SWT1: variants seen among roughly 807,000 people sequenced by gnomAD.
SWT1 encodes the protein SWT1 RNA endoribonuclease homolog, also known as transcriptional protein SWT1.
In SWT1, 33 loss-of-function variants were observed where a neutral mutation model predicts 107.3. That is an observed-to-expected ratio of 0.31 (90% CI 0.23 to 0.41). The LOEUF (loss-of-function observed/expected upper bound fraction) is 0.41, where lower values mean the gene tolerates loss of function less well. Among genes scored for constraint, SWT1 ranks in the 10% least tolerant of loss-of-function variants. The pLI, the probability that SWT1 is intolerant of heterozygous loss-of-function variation, is 1.00. For missense variants in SWT1, 898 were observed against 1,028.9 expected (o/e 0.87, Z 1.74); for synonymous variants, 345 against 348.3 (o/e 0.99, Z 0.11).
At chr1:185,250,755 C>T (rs925479468) in intron 16 of SWT1, among the ~76,000 whole-genome samples, 5 of 152,222 alleles carry the variant, frequency 3.3e-5, no homozygotes, top group East Asian at 1.9e-4. Flanking sequence ...CTCCACCTCC[C>T]GGGTTCAAGT....
chr1:185,187,610 A>G (rs1269637494), intron 9 of SWT1, among the ~76,000 whole-genome samples: 3 of 152,190 alleles, frequency 2.0e-5, no homozygotes, highest in Admixed American at 6.5e-5. Flanking sequence ...ACTATGATTT[A>G]TATAGAATTT....
In SWT1 at chr1:185,177,149, T is replaced by G. The variant is rs372831244; in HGVS notation, c.966+2036T>G. On this transcript the variant is annotated intron_variant, in intron 5 of 18. Transcript: ENST00000367500. ...GCAAGAATTGAGTTTGAATTGAGTT[T>G]GTTTTCACTGCTTTCTTAAAGGAAA... 26 of 536,242 alleles carry G rather than the reference T, an allele frequency of 4.8e-5. No homozygotes were observed. In the East Asian group the frequency reaches 3.7e-3, roughly 76 times the overall value. The allele number at this position is 536,242 out of a possible 1,614,324, so 33.2% of individuals were successfully genotyped here.
intron 2 of SWT1, among the ~76,000 whole-genome samples, chr1:185,162,730 C>T (rs76515115): frequency 1.2e-3 from 175 of 152,122 alleles, no homozygotes; most frequent in African/African-American, 4.0e-3. Flanking sequence ...TAAAGTGAGT[C>T]ACATGAATTT....
chr1:185,286,460 G>C (rs1308263954), intron 18 of SWT1, among the ~76,000 whole-genome samples: 2 of 152,096 alleles, frequency 1.3e-5, no homozygotes, highest in African/African-American at 4.8e-5. Context: ...TCCTGACCTT[G>C]TGATCTGCCC....
chr1:185,251,206 C>A (rs529220113), intron 16 of SWT1: 3 of 152,258 alleles, frequency 2.0e-5, no homozygotes, highest in East Asian at 1.9e-4. Flanking sequence ...AATTAATAAA[C>A]CCACAACATC....
chr1:185,212,391 T>G (rs1658889689), intron 13 of SWT1, among the ~76,000 whole-genome samples: 1 of 152,100 alleles, frequency 6.6e-6, no homozygotes, highest in Admixed American at 6.6e-5. Context: ...GGTCTGCTCT[T>G]AGACGCAGCT....
chr1:185,290,821 T>C lies in SWT1; in HGVS notation c.*18T>C, dbSNP rs746172655. The C allele has an allele frequency of 2.4e-5, 39 of 1,592,286 alleles. 1 individual carries two copies. ...GGATATAAGTACTGATTTGTAACTT[T>C]AAAGGAATTGCATTTGTCCTTAAGA... On this transcript the variant is annotated 3_prime_UTR_variant, in exon 19 of 19. Transcript: ENST00000367500.
At chr1:185,221,229 T>G (rs1408534326) in intron 14 of SWT1, among the ~76,000 whole-genome samples, 1 of 152,214 alleles carries the variant, frequency 6.6e-6, no homozygotes, top group Non-Finnish European at 1.5e-5. Flanking sequence ...TGCATTTTAT[T>G]TTTCTTTTCA....
chr1:185,202,793 A>G lies in SWT1; in HGVS notation c.1663A>G (p.Lys555Glu). ...GCCTTGTATTCCTAAGCAACAGTTG[A>G]AAGCAGGTAGTATTTTTACTATAAA... ...HQPCIPKQQLKAETTPLKESY... is the reference protein window; with the variant it reads ...HQPCIPKQQLEAETTPLKESY... Residue 555 changes from lysine (K) to glutamate (E), a missense_variant, in exon 11 of 19, where the codon AAA becomes GAA. This residue lies in a region of SWT1 where 382 missense variants were observed against 460.0 expected (regional missense o/e 0.83). Coordinates refer to ENST00000367500, the MANE Select transcript of SWT1 (RefSeq NM_017673.7). 1 of 1,515,298 alleles carries G rather than the reference A, an allele frequency of 6.6e-7. No individual in the cohort carries two copies. Among genetic ancestry groups the G allele is most frequent in the Non-Finnish European group, 8.9e-7 (1 of 1,125,310 alleles). The allele number at this position is 1,515,298 out of a possible 1,614,324, so 93.9% of individuals were successfully genotyped here.
intron 16 of SWT1, among the ~76,000 whole-genome samples, chr1:185,232,614 G>T (rs1410013679): frequency 6.6e-6 from 1 of 152,136 alleles, no homozygotes; most frequent in Non-Finnish European, 1.5e-5. Context: ...AAAAGATGAG[G>T]CTGGATCGAG....
intron 16 of SWT1, chr1:185,263,763 G>A (rs1663191758): frequency 6.6e-6 from 1 of 152,140 alleles, no homozygotes; most frequent in Admixed American, 6.5e-5. Flanking sequence ...GTCACATAAA[G>A]ATGAAACTGG....
At chr1:185,262,779 C>CTTCT (rs1009507346) in intron 16 of SWT1, among the ~76,000 whole-genome samples, 3 of 149,402 alleles carry the variant, frequency 2.0e-5, no homozygotes, top group African/African-American at 7.4e-5. Flanking sequence ...GTCCAAATTT[C>CTTCT]TTCTTTCTTT....
chr1:185,184,930 T>C lies in SWT1; in HGVS notation c.1428T>C (p.His476=), dbSNP rs766492477. ...CAATACAACTTGCATCCCAAAAACA[T>C]TGTAAGTATTGTTCTCTCAGAGTGC... ...GQSIQLASQK[H]YGLSDENNDD... Residue 476 remains histidine, a splice_region_variant and synonymous_variant, in exon 9 of 19, where the codon CAT becomes CAC. Coordinates refer to ENST00000367500, the MANE Select transcript of SWT1 (RefSeq NM_017673.7). The C allele has an allele frequency of 6.9e-7, 1 of 1,455,628 alleles. No homozygotes were observed. Among genetic ancestry groups the C allele is most frequent in the East Asian group, 2.5e-5 (1 of 39,428 alleles). 90.2% of individuals were successfully genotyped at this position (1,455,628 alleles called of 1,614,324 possible). A position where few individuals can be genotyped will look rare whatever the true frequency, so the allele number is the denominator to read the frequency against.
chr1:185,238,716 A>G (rs1204062666), intron 16 of SWT1, among the ~76,000 whole-genome samples: 1 of 149,232 alleles, frequency 6.7e-6, no homozygotes, highest in Non-Finnish European at 1.5e-5. Flanking sequence ...AAAATTGTGA[A>G]TTTTTTTTTT....
intron 16 of SWT1, among the ~76,000 whole-genome samples, chr1:185,253,130 C>T (rs1277760857): frequency 7.0e-6 from 1 of 143,592 alleles, no homozygotes; most frequent in African/African-American, 2.6e-5. Context: ...CTGTTCTGTT[C>T]CATTGATCTA....
chr1:185,249,401 G>A (rs1355923034), intron 16 of SWT1, among the ~76,000 whole-genome samples: 1 of 152,050 alleles, frequency 6.6e-6, no homozygotes, highest in African/African-American at 2.4e-5. Flanking sequence ...GGCCATCTTG[G>A]AAAATACAGT....
chr1:185,157,692 T>A (rs1325046315), intron 1 of SWT1: 2 of 152,548 alleles, frequency 1.3e-5, no homozygotes, highest in Non-Finnish European at 2.9e-5. Flanking sequence ...TTGTTTTTAT[T>A]TTTGCTTTAG....
chr1:185,174,423 A>G lies in SWT1; in HGVS notation c.276A>G (p.Ser92=). 6.3e-7 allele frequency: 1 copy of G among 1,590,086 alleles called. No homozygotes were observed. The highest frequency in any genetic ancestry group is 1.2e-5 in the South Asian group (1 of 86,190). The change falls in exon 5 of 19, where the codon TCA becomes TCG. Residue 92 remains serine (S), a synonymous_variant. Coordinates refer to ENST00000367500, the MANE Select transcript of SWT1 (RefSeq NM_017673.7). ...TLRRRPKIGS[S]SQRPIKLKEA... ...GAAGGAGACCAAAAATCGGTTCTTCATCCCAAAGACCTATTAAACTCAAAG... is the reference window on the plus strand; with the variant it reads ...GAAGGAGACCAAAAATCGGTTCTTCGTCCCAAAGACCTATTAAACTCAAAG...
chr1:185,213,782 A>T (rs1659009468), intron 13 of SWT1, among the ~76,000 whole-genome samples: 1 of 152,170 alleles, frequency 6.6e-6, no homozygotes, highest in South Asian at 2.1e-4. Flanking sequence ...AACTTTTGAA[A>T]TTTTTGAAAT....
Sources: allele counts gnomAD v4.1 joint callset (sites outside exome capture counted in the v4.1 genomes callset), GRCh38; gene constraint gnomAD v4.1.1; regional missense constraint gnomAD v4.1.1; transcripts MANE v1.5; gene names NCBI Gene and HGNC (gene_info 2026-07-23, HGNC 2026-07-21).